The following PGM3 variants were observed in gnomAD, a reference collection of about 807,000 sequenced individuals.
PGM3 encodes phosphoacetylglucosamine mutase.
In PGM3, 40 loss-of-function variants were observed where a neutral mutation model predicts 66.2. The ratio of observed to expected loss-of-function variants is 0.60; its 90% confidence interval spans 0.47 to 0.79. The LOEUF (loss-of-function observed/expected upper bound fraction) is 0.79, where lower values mean the gene tolerates loss of function less well. PGM3 is among the 30% of genes least tolerant of loss of function. The pLI, the probability that PGM3 is intolerant of heterozygous loss-of-function variation, is 0.00. For missense variants in PGM3, 537 were observed against 643.4 expected (o/e 0.83, Z 1.79); for synonymous variants, 191 against 224.2 (o/e 0.85, Z 1.32).
chr6:83,152,746 T>A, the PGM3 span, among the ~76,000 whole-genome samples: 1 of 151,928 alleles, frequency 6.6e-6, no homozygotes, highest in African/African-American at 2.4e-5. Flanking sequence ...GCCTCCTAAG[T>A]AGTTGAGACT....
intron 4 of PGM3, 77 bp downstream of exon 4, chr6:83,186,930 TA>T: frequency 2.6e-6 from 2 of 777,768 alleles, no homozygotes; most frequent in East Asian, 2.9e-5. Context: ...CAAACTTTTC[TA>T]AATAAATATA....
At chr6:83,170,661 A>G (rs1786896217) in intron 11 of PGM3, 183 bp from the exon 12 acceptor site, 3 of 563,700 alleles carry the variant, frequency 5.3e-6, no homozygotes, top group Admixed American at 3.1e-5. Context: ...TTCAGTCTAT[A>G]AAGAATTACC....
chr6:83,164,616 T>A (rs1256285031), downstream of PGM3: 1 of 1,539,094 alleles, frequency 6.5e-7, no homozygotes, highest in Non-Finnish European at 8.8e-7. Context: ...AAGCATACTT[T>A]TCACTGGAAC....
the PGM3 span, among the ~76,000 whole-genome samples, chr6:83,149,908 A>G: frequency 0.18 from 27,763 of 152,194 alleles, 3,251 homozygotes; most frequent in Middle Eastern, 0.3. Context: ...AAGGTGAGGA[A>G]TAATAAAAGG....
intron 9 of PGM3, among the ~76,000 whole-genome samples, chr6:83,175,151 A>G (rs1247879577): frequency 6.6e-6 from 1 of 152,204 alleles, no homozygotes; most frequent in African/African-American, 2.4e-5. Flanking sequence ...CTGTTTTTGT[A>G]AAGTTTTACT....
At position 83,166,391 on chromosome 6, in the gene PGM3, G is replaced by A. The variant is rs769471371; in HGVS notation, c.*2843C>T. 9 of 701,426 alleles carry A rather than the reference G, an allele frequency of 1.3e-5. No homozygotes were observed. The highest frequency in any genetic ancestry group is 2.3e-4 in the Middle Eastern group (1 of 4,354). 43.5% of individuals were successfully genotyped at this position (701,426 alleles called of 1,614,324 possible). ...TTTGCAAAACTTCTTGAGCCATCAC[G>A]GCACTGTATGTTCATTAGCAGTTCC... On this transcript the variant is annotated 3_prime_UTR_variant, in exon 13 of 13. Transcript: ENST00000513973.
the PGM3 span, chr6:83,154,191 T>A: frequency 6.2e-7 from 1 of 1,613,892 alleles, no homozygotes; most frequent in Non-Finnish European, 8.5e-7. Flanking sequence ...TGGAGAGCAA[T>A]TATGGACAAT....
chr6:83,181,477 A>G (rs907131027), intron 6 of PGM3, among the ~76,000 whole-genome samples: 15 of 152,146 alleles, frequency 9.9e-5, no homozygotes, highest in African/African-American at 3.6e-4. Flanking sequence ...TTTGAGAACC[A>G]CTGCTCTAGA....
chr6:83,158,205 G>T (rs1446715076), downstream of PGM3, among the ~76,000 whole-genome samples: 1 of 152,056 alleles, frequency 6.6e-6, no homozygotes, highest in African/African-American at 2.4e-5. Flanking sequence ...GTTTCAGCAT[G>T]TTAGCCAGGA....
In PGM3 at chr6:83,165,177, G is replaced by A. The variant is rs1785165607; in HGVS notation, c.*4057C>T. ...GGGGATTAGAGGTGGTATGGTACCA[G>A]TAATTGAGTAATGGTGGAAATGTGA... On this transcript the variant is annotated 3_prime_UTR_variant, in exon 13 of 13. Coordinates refer to ENST00000513973, the MANE Select transcript of PGM3 (RefSeq NM_015599.3). 6.5e-6 allele frequency: 1 copy of A among 153,702 alleles called. No homozygotes were observed. The highest frequency in any genetic ancestry group is 2.4e-5 in the African/African-American group (1 of 41,454). 9.5% of individuals were successfully genotyped at this position (153,702 alleles called of 1,614,324 possible). A position where few individuals can be genotyped will look rare whatever the true frequency, so the allele number is the denominator to read the frequency against.
intron 2 of PGM3, among the ~76,000 whole-genome samples, chr6:83,189,669 G>A (rs1788894919): frequency 6.6e-6 from 1 of 152,118 alleles, no homozygotes; most frequent in Admixed American, 6.6e-5. Flanking sequence ...TTCAAACCCT[G>A]TATTAATGGC....
Position 83,182,075 on chromosome 6 carries a change from A to G in PGM3, c.592-144T>C, listed in dbSNP as rs1788217072. On this transcript the variant is annotated intron_variant, in intron 5 of 12. Transcript: ENST00000513973. Reference sequence around the variant, plus strand: ...AATTTTATCAATTATAATTGTGTTCATTTTTCAATTTTTAAAATTATAAAA... The same window carrying G: ...AATTTTATCAATTATAATTGTGTTCGTTTTTCAATTTTTAAAATTATAAAA... 1.0e-5 allele frequency: 5 copies of G among 493,238 alleles called. No homozygotes were observed. In the South Asian group the frequency reaches 2.2e-4, roughly 21 times the overall value. The allele number at this position is 493,238 out of a possible 1,614,324, so 30.6% of individuals were successfully genotyped here. A position where few individuals can be genotyped will look rare whatever the true frequency, so the allele number is the denominator to read the frequency against.
At chr6:83,169,712 A>T in intron 12 of PGM3, 1 of 459,266 alleles carries the variant, frequency 2.2e-6, no homozygotes, top group Non-Finnish European at 4.4e-6. Flanking sequence ...CTTCTGCAGG[A>T]AAGCTGCCAA....
rs1281167796 is a variant in PGM3 at position 83,168,970 on chromosome 6, A to C, written c.*264T>G. On this transcript the variant is annotated 3_prime_UTR_variant, in exon 13 of 13. Transcript: ENST00000513973. The stretch of plus-strand genomic sequence containing the variant: ...AATTGTTCCCCACATAAAACTGTAC[A>C]GTTAGTGACTGAATTGTATACTTAA... 5.8e-6 allele frequency: 7 copies of C among 1,212,414 alleles called. No homozygotes were observed. The highest frequency in any genetic ancestry group is 7.2e-6 in the Non-Finnish European group (7 of 968,098). The allele number at this position is 1,212,414 out of a possible 1,614,324, so 75.1% of individuals were successfully genotyped here.
intron 11 of PGM3, 122 bp downstream of exon 11, chr6:83,171,815 T>A (rs1787209166): frequency 1.3e-6 from 1 of 773,602 alleles, no homozygotes; most frequent in African/African-American, 1.7e-5. Context: ...ATTTTCTATG[T>A]ATCATATGTG....
rs374212322 is a variant in PGM3 at position 83,177,735 on chromosome 6, G to C, written c.1029+938C>G. Among the ~76,000 whole-genome samples the C allele has an allele frequency of 1.3e-4, 20 of 152,270 alleles. No homozygotes were observed. In the East Asian group the frequency reaches 1.4e-3, roughly 10 times the overall value. On this transcript the variant is annotated intron_variant, in intron 8 of 12. Transcript: ENST00000513973. ...ATAAGAGTCATGCTAAGTGAGCTTA[G>C]CGAGAATCCCTCATCCTGATACATG...
At chr6:83,151,939 A>G in the PGM3 span, 25 of 1,613,974 alleles carry the variant, frequency 1.5e-5, no homozygotes, top group Non-Finnish European at 2.1e-5. Flanking sequence ...CTTCTCTGGA[A>G]CAGACAACAT....
At chr6:83,164,815 G>T (rs1785070735), downstream of PGM3, 2 of 946,522 alleles carry the variant, frequency 2.1e-6, no homozygotes, top group South Asian at 3.3e-5. Context: ...TACAAGGGAG[G>T]TAAACAGGAA....
chr6:83,152,019 A>T, the PGM3 span: 1 of 1,613,864 alleles, frequency 6.2e-7, no homozygotes, highest in African/African-American at 1.3e-5. Context: ...TTGGAATCTG[A>T]TGTTGAAGGT....
Sources: gnomAD v4.1 joint callset for allele counts (sites outside exome capture counted in the v4.1 genomes callset) on GRCh38, gnomAD v4.1.1 for gene constraint, MANE v1.5 for transcripts, NCBI Gene and HGNC (gene_info 2026-07-23, HGNC 2026-07-21) for gene names.